PLPPR1: variants seen among roughly 807,000 people sequenced by gnomAD.
PLPPR1 encodes phospholipid phosphatase related 1, also known as phospholipid phosphatase-related protein type 1.
A neutral mutation model predicts 33.1 loss-of-function variants in PLPPR1; 10 were observed. The observed-to-expected ratio is 0.30, with a 90% CI of 0.19 to 0.51. The LOEUF (loss-of-function observed/expected upper bound fraction) is 0.51. PLPPR1 is among the 20% of genes least tolerant of loss of function. The pLI is 0.97. For synonymous variants in PLPPR1, 151 were observed against 151.0 expected, an observed-to-expected ratio of 1.00 and a Z score of 0.00; for missense variants, 304 against 408.1, an observed-to-expected ratio of 0.74 and a Z score of 2.20.
chr9:101,274,757 AATGCAGTC>A (rs1268446815), intron 3 of PLPPR1, among the ~76,000 whole-genome samples: 2 of 152,076 alleles, frequency 1.3e-5, no homozygotes, highest in East Asian at 3.9e-4. Flanking sequence ...CTCTCCTCAC[AATGCAGTC>A]ATCTTTTCCC....
chr9:101,295,681 G>C (rs1828614595), intron 4 of PLPPR1, among the ~76,000 whole-genome samples: 1 of 151,688 alleles, frequency 6.6e-6, no homozygotes, highest in African/African-American at 2.4e-5. Flanking sequence ...TGACAAACCT[G>C]AGAAAAACAA....
At chr9:101,133,149 T>C (rs79018793) in intron 1 of PLPPR1, among the ~76,000 whole-genome samples, 2,675 of 152,258 alleles carry the variant, frequency 0.018, 85 homozygotes, top group African/African-American at 0.06. Flanking sequence ...ATTTTCCCCA[T>C]CAATACCCAC....
chr9:101,142,897 A>G (rs991540275), intron 1 of PLPPR1, among the ~76,000 whole-genome samples: 2 of 152,140 alleles, frequency 1.3e-5, no homozygotes, highest in African/African-American at 4.8e-5. Flanking sequence ...GAGAAAAGCA[A>G]ACTCCAGAGA....
intron 4 of PLPPR1, among the ~76,000 whole-genome samples, chr9:101,299,038 A>C (rs1223764710): frequency 6.6e-6 from 1 of 152,216 alleles, no homozygotes; most frequent in Non-Finnish European, 1.5e-5. Flanking sequence ...CAGGTAGTCT[A>C]AAGATAAGTG....
chr9:101,179,435 C>G lies in PLPPR1; in HGVS notation c.-45-6015C>G, dbSNP rs894337139. Among the ~76,000 whole-genome samples, 3 of 152,158 alleles carry G rather than the reference C, an allele frequency of 2.0e-5. No individual in the cohort carries two copies. In the East Asian group the frequency reaches 5.8e-4, roughly 29 times the overall value. On this transcript the variant is annotated intron_variant, in intron 1 of 7. Transcript: ENST00000374874. ...TAATTGTCCTAAGTATTTCCTCCTT[C>G]TTTTGTTAAAAACATGTTTGTGCAC...
intron 1 of PLPPR1, among the ~76,000 whole-genome samples, chr9:101,055,582 A>C (rs932842643): frequency 6.6e-6 from 1 of 152,182 alleles, no homozygotes; most frequent in Non-Finnish European, 1.5e-5. Flanking sequence ...TTCCTGCTCC[A>C]TTATTTATGT....
chr9:101,109,134 ATTTT>A (rs67666339), intron 1 of PLPPR1, among the ~76,000 whole-genome samples: 632 of 99,736 alleles, frequency 6.3e-3, no homozygotes, highest in Non-Finnish European at 9.3e-3. Flanking sequence ...AATTTTTTGT[ATTTT>A]TTTTTTTTTT....
intron 4 of PLPPR1, among the ~76,000 whole-genome samples, chr9:101,306,733 A>T (rs35846126): frequency 0.24 from 36,081 of 152,116 alleles, 4,421 homozygotes; most frequent in Admixed American, 0.29. Flanking sequence ...CTATTAAAAA[A>T]TATGATCTCA....
chr9:101,157,536 AC>A (rs1831711970), intron 1 of PLPPR1, among the ~76,000 whole-genome samples: 1 of 152,318 alleles, frequency 6.6e-6, no homozygotes, highest in South Asian at 2.1e-4. Context: ...AAATGAAATT[AC>A]CCAGGATAAG....
intron 3 of PLPPR1, among the ~76,000 whole-genome samples, chr9:101,272,681 A>T (rs150514235): frequency 6.6e-6 from 1 of 152,224 alleles, no homozygotes; most frequent in Non-Finnish European, 1.5e-5. Flanking sequence ...CTGTGTGCAT[A>T]TAAGTATTTC....
At chr9:101,077,216 T>C (rs1226035118) in intron 1 of PLPPR1, among the ~76,000 whole-genome samples, 1 of 152,238 alleles carries the variant, frequency 6.6e-6, no homozygotes, top group African/African-American at 2.4e-5. Flanking sequence ...ACTCTTTTTA[T>C]TCCTGCTTAT....
chr9:101,038,281 T>C (rs1453210998), intron 1 of PLPPR1, among the ~76,000 whole-genome samples: 1 of 152,172 alleles, frequency 6.6e-6, no homozygotes, highest in Non-Finnish European at 1.5e-5. Context: ...CATCTTAAAA[T>C]AGAGCTCAGT....
intron 2 of PLPPR1, among the ~76,000 whole-genome samples, chr9:101,238,516 G>A (rs1279836044): frequency 6.6e-6 from 1 of 151,280 alleles, no homozygotes; most frequent in Non-Finnish European, 1.5e-5. Flanking sequence ...ATTATCCTAA[G>A]TGAAATAACT....
At chr9:101,164,792 GTGTTTGTT>G (rs901805759) in intron 1 of PLPPR1, among the ~76,000 whole-genome samples, 1 of 152,098 alleles carries the variant, frequency 6.6e-6, no homozygotes, top group African/African-American at 2.4e-5. Flanking sequence ...GTTTTTCAGG[GTGTTTGTT>G]TGTTTGTTTA....
intron 2 of PLPPR1, among the ~76,000 whole-genome samples, chr9:101,203,452 G>A (rs1826527766): frequency 6.6e-6 from 1 of 152,070 alleles, no homozygotes; most frequent in Admixed American, 6.6e-5. Flanking sequence ...TAAACTTGTA[G>A]CCATATGGCC....
intron 2 of PLPPR1, among the ~76,000 whole-genome samples, chr9:101,226,429 A>G (rs1451574512): frequency 6.6e-6 from 1 of 152,148 alleles, no homozygotes; most frequent in East Asian, 1.9e-4. Flanking sequence ...CTGCTATAAC[A>G]AACCACCATA....
chr9:101,115,861 A>G (rs900783082), intron 1 of PLPPR1, among the ~76,000 whole-genome samples: 1 of 152,222 alleles, frequency 6.6e-6, no homozygotes, highest in Admixed American at 6.5e-5. Flanking sequence ...GATTCAACTA[A>G]AAGAGATAAT....
At chr9:101,065,569 A>G (rs1830401223) in intron 1 of PLPPR1, among the ~76,000 whole-genome samples, 1 of 152,082 alleles carries the variant, frequency 6.6e-6, no homozygotes, top group African/African-American at 2.4e-5. Flanking sequence ...TGTAGGAAGA[A>G]ATTGTCAAGC....
At chr9:101,311,917 G>A (rs1380533156) in intron 5 of PLPPR1, among the ~76,000 whole-genome samples, 2 of 152,160 alleles carry the variant, frequency 1.3e-5, no homozygotes, top group South Asian at 2.1e-4. Flanking sequence ...CTAAAAAAGT[G>A]TACTTACATG....
Sources: gnomAD v4.1 joint callset for allele counts (sites outside exome capture counted in the v4.1 genomes callset) on GRCh38, gnomAD v4.1.1 for gene constraint, MANE v1.5 for transcripts, NCBI Gene and HGNC (gene_info 2026-07-23, HGNC 2026-07-21) for gene names.